Variants in SAMD5 observed in about 807,000 individuals in gnomAD.
The protein encoded by SAMD5 is sterile alpha motif domain containing 5, also known as sterile alpha motif domain-containing protein 5.
Under a neutral mutation model 11.3 loss-of-function variants are expected in SAMD5, and 13 were observed. That is an observed-to-expected ratio of 1.15 (90% CI 0.75 to 1.83). The LOEUF is 1.83. SAMD5 is among the 40% of genes most tolerant of loss of function. SAMD5 has a pLI of 0.00. For synonymous variants in SAMD5, 129 were observed against 111.3 expected (o/e 1.16, Z -1.00); for missense variants, 255 against 239.1 (o/e 1.07, Z -0.44).
chr6:147,921,274 A>AACACACACACACACACACACAC, the SAMD5 span, among the ~76,000 whole-genome samples: 9 of 140,978 alleles, frequency 6.4e-5, no homozygotes, highest in African/African-American at 1.6e-4. Context: ...GAGAGTATAA[A>AACACACACACACACACACACAC]ACACACACAC....
the SAMD5 span, among the ~76,000 whole-genome samples, chr6:147,800,464 C>G: frequency 4.6e-5 from 7 of 152,174 alleles, no homozygotes; most frequent in African/African-American, 1.2e-4. Context: ...AACCACTGCT[C>G]TCTTCAAAGC....
At chr6:147,772,347 C>G in the SAMD5 span, among the ~76,000 whole-genome samples, 30 of 152,122 alleles carry the variant, frequency 2.0e-4, no homozygotes, top group African/African-American at 7.2e-4. Context: ...GAAGAAACTC[C>G]ATCCTAGATG....
intron 1 of SAMD5, among the ~76,000 whole-genome samples, chr6:147,521,178 T>G (rs371101439): frequency 2.6e-5 from 4 of 152,104 alleles, no homozygotes; most frequent in East Asian, 1.9e-4. Flanking sequence ...GAAGTGGTAT[T>G]TCATCATTCT....
chr6:147,755,919 G>A, the SAMD5 span, among the ~76,000 whole-genome samples: 926 of 152,168 alleles, frequency 6.1e-3, 5 homozygotes, highest in Middle Eastern at 0.037. Flanking sequence ...ACAAATGAAT[G>A]CTTTTCATTT....
the SAMD5 span, among the ~76,000 whole-genome samples, chr6:147,820,364 C>G: frequency 6.6e-6 from 1 of 152,000 alleles, no homozygotes; most frequent in Non-Finnish European, 1.5e-5. Flanking sequence ...AAAGAAAGCC[C>G]AATTATTCTT....
chr6:147,872,959 G>T, the SAMD5 span, among the ~76,000 whole-genome samples: 7 of 152,130 alleles, frequency 4.6e-5, no homozygotes, highest in Non-Finnish European at 7.4e-5. Context: ...CAGCTTCGGG[G>T]CCATCGTAGT....
chr6:147,807,875 A>G, the SAMD5 span, among the ~76,000 whole-genome samples: 4 of 152,244 alleles, frequency 2.6e-5, no homozygotes, highest in African/African-American at 9.6e-5. Flanking sequence ...TCAATAATAT[A>G]GCACTTAGCT....
chr6:147,803,074 A>G, the SAMD5 span, among the ~76,000 whole-genome samples: 8 of 152,118 alleles, frequency 5.3e-5, no homozygotes, highest in East Asian at 1.5e-3. Context: ...TGACAAATGG[A>G]CATATACTAA....
At chr6:147,590,087 A>G (rs958482919) in intron 1 of SAMD5, among the ~76,000 whole-genome samples, 1 of 152,200 alleles carries the variant, frequency 6.6e-6, no homozygotes, top group African/African-American at 2.4e-5. Flanking sequence ...CAAATATGAA[A>G]TTCACTTACT....
chr6:147,877,275 G>A, the SAMD5 span, among the ~76,000 whole-genome samples: 1 of 152,046 alleles, frequency 6.6e-6, no homozygotes, highest in East Asian at 1.9e-4. Flanking sequence ...TAAGATCTAT[G>A]AAAACTTAAG....
the SAMD5 span, among the ~76,000 whole-genome samples, chr6:147,810,136 C>T: frequency 0.029 from 4,449 of 152,170 alleles, 72 homozygotes; most frequent in Middle Eastern, 0.051. Context: ...AGACCTTTTA[C>T]GATGAAGATA....
At chr6:147,908,346 T>G in the SAMD5 span, among the ~76,000 whole-genome samples, 133,823 of 152,132 alleles carry the variant, frequency 0.88, 59,271 homozygotes, top group East Asian at 1. Context: ...GCAAAGATGT[T>G]TGTGTGTGGA....
chr6:147,780,100 C>T, the SAMD5 span, among the ~76,000 whole-genome samples: 4 of 152,182 alleles, frequency 2.6e-5, no homozygotes, highest in Non-Finnish European at 5.9e-5. Flanking sequence ...GACATCCAGC[C>T]AGGCATCTCT....
Position 147,568,962 on chromosome 6 carries a change from C to T in SAMD5, c.*4506C>T, listed in dbSNP as rs533990687. Reference sequence around the variant, plus strand: ...AAAAAAATGGCTGGGCACGGTGGCTCACGCCTGTAATCCCAGCACTTTGGG... The same window carrying T: ...AAAAAAATGGCTGGGCACGGTGGCTTACGCCTGTAATCCCAGCACTTTGGG... On this transcript the variant is annotated 3_prime_UTR_variant, in exon 2 of 2. Transcript: ENST00000367474. The T allele has an allele frequency of 3.3e-6, 3 of 910,138 alleles. No homozygotes were observed. Among genetic ancestry groups the T allele is most frequent in the Non-Finnish European group, 3.9e-6 (3 of 761,704 alleles). The allele number at this position is 910,138 out of a possible 1,614,324, so 56.4% of individuals were successfully genotyped here.
chr6:147,708,986 G>A (rs947122285), intron 1 of SAMD5, among the ~76,000 whole-genome samples: 1 of 152,296 alleles, frequency 6.6e-6, no homozygotes, highest in Non-Finnish European at 1.5e-5. Context: ...GTGTTAAAAT[G>A]TTGCCTCCTG....
chr6:147,674,837 TCTG>T (rs1468518123), intron 1 of SAMD5, among the ~76,000 whole-genome samples: 1 of 152,230 alleles, frequency 6.6e-6, no homozygotes, highest in Non-Finnish European at 1.5e-5. Flanking sequence ...CCACTCTCCT[TCTG>T]CTGTTTCCCC....
At chr6:147,768,821 G>A in the SAMD5 span, among the ~76,000 whole-genome samples, 2 of 152,040 alleles carry the variant, frequency 1.3e-5, no homozygotes, top group African/African-American at 2.4e-5. Context: ...TTGAGACGGA[G>A]TCTTGCTCTG....
chr6:147,834,345 G>A, the SAMD5 span, among the ~76,000 whole-genome samples: 1 of 152,174 alleles, frequency 6.6e-6, no homozygotes, highest in Non-Finnish European at 1.5e-5. Context: ...TCATTAGGTA[G>A]TTACAATCAT....
intron 1 of SAMD5, among the ~76,000 whole-genome samples, chr6:147,608,120 C>A (rs541857169): frequency 6.6e-6 from 1 of 152,186 alleles, no homozygotes; most frequent in African/African-American, 2.4e-5. Flanking sequence ...TGGCTTATAT[C>A]CAAAAGACAG....
Sources: gnomAD v4.1 joint callset for allele counts (sites outside exome capture counted in the v4.1 genomes callset) on GRCh38, gnomAD v4.1.1 for gene constraint, MANE v1.5 for transcripts, NCBI Gene and HGNC (gene_info 2026-07-23, HGNC 2026-07-21) for gene names.